The following FAM107B variants were observed in gnomAD, a reference collection of about 807,000 sequenced individuals.
FAM107B encodes the protein protein FAM107B.
A neutral mutation model predicts 31.5 loss-of-function variants in FAM107B; 21 were observed. That is an observed-to-expected ratio of 0.67 (90% CI 0.47 to 0.96). FAM107B has a LOEUF of 0.96. Among genes scored for constraint, FAM107B ranks in the 40% least tolerant of loss-of-function variants. The pLI is 0.00. For missense variants in FAM107B, 452 were observed against 377.1 expected (o/e 1.20, Z -1.64); for synonymous variants, 157 against 141.5 (o/e 1.11, Z -0.78).
intron 1 of FAM107B, among the ~76,000 whole-genome samples, chr10:14,704,958 A>G (rs1383394181): frequency 2.8e-5 from 4 of 141,214 alleles, no homozygotes; most frequent in Non-Finnish European, 6.0e-5. Flanking sequence ...CGGGAGGCAG[A>G]GCTTGCCGCG....
chr10:14,637,847 A>T (rs1451074995), intron 2 of FAM107B, among the ~76,000 whole-genome samples: 1 of 152,122 alleles, frequency 6.6e-6, no homozygotes, highest in Non-Finnish European at 1.5e-5. Context: ...TTTCAATCTT[A>T]CCTACACCTG....
Position 14,524,191 on chromosome 10 carries a change from G to A in FAM107B, c.654-2172C>T, listed in dbSNP as rs566592884. ...CGAGGAGCTGGGATTACAGGTGCCC[G>A]CAACCACGACCGGATAATTTTTTGT... On this transcript the variant is annotated intron_variant, in intron 3 of 4. Transcript: ENST00000181796. Among the ~76,000 whole-genome samples, 15 of 152,112 alleles carry A rather than the reference G, an allele frequency of 9.9e-5. No homozygotes were observed. The South Asian group carries it at 2.3e-3, about 23-fold the overall frequency.
chr10:14,737,152 A>G (rs1400268955), intron 1 of FAM107B, among the ~76,000 whole-genome samples: 9 of 152,152 alleles, frequency 5.9e-5, no homozygotes, highest in Middle Eastern at 3.2e-3. Flanking sequence ...AAAAGCAGAG[A>G]GATTCCATTC....
chr10:14,736,994 CT>C (rs1856314080), intron 1 of FAM107B, among the ~76,000 whole-genome samples: 2 of 152,138 alleles, frequency 1.3e-5, no homozygotes, highest in Admixed American at 1.3e-4. Context: ...GCAGACCTCA[CT>C]GCCTGAGGAA....
At chr10:14,665,350 A>G (rs1854377750) in intron 2 of FAM107B, among the ~76,000 whole-genome samples, 1 of 152,184 alleles carries the variant, frequency 6.6e-6, no homozygotes, top group Non-Finnish European at 1.5e-5. Flanking sequence ...ATTTTTCAGA[A>G]TGGGATGTCT....
chr10:14,543,688 C>CT (rs1196608920), intron 2 of FAM107B, among the ~76,000 whole-genome samples: 1 of 68,484 alleles, frequency 1.5e-5, no homozygotes, highest in Non-Finnish European at 3.4e-5. Flanking sequence ...ATCCTAAAAA[C>CT]TTTAAAAAAA....
At chr10:14,530,264 A>G in intron 3 of FAM107B, 68 bp downstream of exon 3, 1 of 1,455,862 alleles carries the variant, frequency 6.9e-7, no homozygotes, top group South Asian at 1.3e-5. Context: ...TGTAAATACA[A>G]TTAAAATTAG....
At chr10:14,709,810 T>A (rs539295141) in intron 1 of FAM107B, among the ~76,000 whole-genome samples, 40 of 152,244 alleles carry the variant, frequency 2.6e-4, no homozygotes, top group African/African-American at 9.4e-4. Flanking sequence ...CTAAGTGAAA[T>A]AAGCCAATCT....
intron 2 of FAM107B, among the ~76,000 whole-genome samples, chr10:14,580,533 T>C (rs1483412431): frequency 1.3e-5 from 2 of 152,000 alleles, no homozygotes; most frequent in Non-Finnish European, 2.9e-5. Flanking sequence ...AAAATAAGTA[T>C]CCATCTTCTC....
intron 2 of FAM107B, among the ~76,000 whole-genome samples, chr10:14,533,180 G>A (rs1847217715): frequency 2.0e-5 from 3 of 152,166 alleles, no homozygotes; most frequent in Non-Finnish European, 4.4e-5. Flanking sequence ...CGGGCTGCAG[G>A]CAGGCAGGGC....
intron 1 of FAM107B, among the ~76,000 whole-genome samples, chr10:14,674,474 T>C (rs987884002): frequency 6.6e-6 from 1 of 152,136 alleles, no homozygotes; most frequent in Non-Finnish European, 1.5e-5. Flanking sequence ...AAACCACCAC[T>C]TTGTTTTTCT....
At chr10:14,624,558 C>T (rs1222867545) in intron 2 of FAM107B, among the ~76,000 whole-genome samples, 3 of 151,948 alleles carry the variant, frequency 2.0e-5, no homozygotes, top group Admixed American at 2.0e-4. Context: ...ATTGCTTGAA[C>T]CCAGGAGTTT....
At chr10:14,592,156 T>C (rs1218334485) in intron 2 of FAM107B, among the ~76,000 whole-genome samples, 1 of 152,198 alleles carries the variant, frequency 6.6e-6, no homozygotes, top group Non-Finnish European at 1.5e-5. Flanking sequence ...CCAAACTGCA[T>C]GCCCAGCCAT....
chr10:14,765,587 G>A (rs539351348), intron 1 of FAM107B, among the ~76,000 whole-genome samples: 1 of 152,266 alleles, frequency 6.6e-6, no homozygotes, highest in African/African-American at 2.4e-5. Context: ...ATTCTCACTA[G>A]GCCACTCAAA....
rs1564606683 is a variant in FAM107B at position 14,629,380 on chromosome 10, A to ATAACATATATTATATATT, written c.469+38253_469+38254insAATATATAATATATGTTA. Among the ~76,000 whole-genome samples, 92 of 10,360 alleles carry ATAACATATATTATATATT rather than the reference A, an allele frequency of 8.9e-3. 3 individuals are homozygous for ATAACATATATTATATATT. Among genetic ancestry groups the ATAACATATATTATATATT allele is most frequent in the East Asian group, 0.016 (5 of 312 alleles). 6.8% of individuals were successfully genotyped at this position (10,360 alleles called of 152,430 possible). On this transcript the variant is annotated intron_variant, in intron 2 of 4. Coordinates refer to ENST00000181796, the MANE Select transcript of FAM107B (RefSeq NM_031453.4). ...AATATATATTATATATTTAATATATATAATATATATAATATATATTATATA... is the reference window on the plus strand; with the variant it reads ...AATATATATTATATATTTAATATATATAACATATATTATATATTTAATATATATAATATATATTATATA...
intron 2 of FAM107B, among the ~76,000 whole-genome samples, chr10:14,541,863 C>T (rs1490309127): frequency 6.6e-6 from 1 of 152,164 alleles, no homozygotes; most frequent in African/African-American, 2.4e-5. Flanking sequence ...ACTCCTTGTG[C>T]CTCTGGCTGA....
intron 2 of FAM107B, among the ~76,000 whole-genome samples, chr10:14,569,399 A>G (rs563202457): frequency 2.0e-5 from 3 of 151,676 alleles, no homozygotes; most frequent in Admixed American, 6.5e-5. Context: ...CATTGTGCAC[A>G]TATGTGTGTG....
At chr10:14,702,024 G>A (rs1165955921) in intron 1 of FAM107B, among the ~76,000 whole-genome samples, 2 of 152,210 alleles carry the variant, frequency 1.3e-5, no homozygotes, top group East Asian at 1.9e-4. Context: ...ACATATTGCA[G>A]AAATAAAAAT....
intron 1 of FAM107B, among the ~76,000 whole-genome samples, chr10:14,753,520 C>A (rs985525005): frequency 6.6e-6 from 1 of 152,222 alleles, no homozygotes; most frequent in Admixed American, 6.5e-5. Context: ...TACCAGAGAG[C>A]ACCAGTGTAA....
Sources: gnomAD v4.1 joint callset for allele counts (sites outside exome capture counted in the v4.1 genomes callset) on GRCh38, gnomAD v4.1.1 for gene constraint, MANE v1.5 for transcripts, NCBI Gene and HGNC (gene_info 2026-07-23, HGNC 2026-07-21) for gene names.